The following ZNF516 variants were observed in gnomAD, a reference collection of about 807,000 sequenced individuals.
ZNF516 encodes zinc finger protein 516.
Under a neutral mutation model 79.7 loss-of-function variants are expected in ZNF516, and 19 were observed. The ratio of observed to expected loss-of-function variants is 0.24; its 90% CI spans 0.17 to 0.35. ZNF516 has a LOEUF of 0.35. Ranked by LOEUF, ZNF516 falls within the 10% of genes least tolerant of loss-of-function variation. ZNF516 has a pLI of 1.00. For synonymous variants in ZNF516, 877 were observed against 739.5 expected (o/e 1.19, Z -3.02); for missense variants, 1,678 against 1,679.5 (o/e 1.00, Z 0.02).
At chr18:76,368,314 G>A (rs1568230069) in intron 6 of ZNF516, among the ~76,000 whole-genome samples, 1 of 151,962 alleles carries the variant, frequency 6.6e-6, no homozygotes, top group Non-Finnish European at 1.5e-5. Context: ...TAAGGAAAAT[G>A]GAATTTCCTT....
At chr18:76,427,278 G>T (rs951564961) in intron 3 of ZNF516, among the ~76,000 whole-genome samples, 4 of 152,182 alleles carry the variant, frequency 2.6e-5, no homozygotes, top group African/African-American at 9.7e-5. Flanking sequence ...TGTGTTTTGA[G>T]ACAAGTGGTA....
chr18:76,417,040 T>C (rs552181753), intron 3 of ZNF516, among the ~76,000 whole-genome samples: 49 of 152,290 alleles, frequency 3.2e-4, no homozygotes, highest in Admixed American at 2.7e-3. Flanking sequence ...ATCTGGGATA[T>C]TGAGAAATAA....
chr18:76,389,370 T>C (rs1455110440), intron 3 of ZNF516: 4 of 151,662 alleles, frequency 2.6e-5, no homozygotes, highest in African/African-American at 9.7e-5. Context: ...CAGAAATCAA[T>C]GAGAATGAGA....
intron 5 of ZNF516, 27 bp downstream of exon 5, chr18:76,371,439 TG>T: frequency 6.3e-7 from 1 of 1,585,510 alleles, no homozygotes; most frequent in Non-Finnish European, 8.6e-7. Context: ...CTGCTCCCCT[TG>T]GGGATAGCTG....
At chr18:76,443,283 C>T (rs896518831) in intron 2 of ZNF516, 72 bp from the exon 3 acceptor site, 36 of 584,642 alleles carry the variant, frequency 6.2e-5, no homozygotes, top group African/African-American at 5.7e-4. Flanking sequence ...CGGGAACCCC[C>T]ACATGCTCCC....
chr18:76,479,412 G>A (rs62110937), intron 1 of ZNF516, among the ~76,000 whole-genome samples: 17,979 of 152,270 alleles, frequency 0.12, 1,278 homozygotes, highest in Middle Eastern at 0.22. Context: ...GTCTGCATCT[G>A]CAATTCTGCC....
chr18:76,479,437 T>C (rs955460330), intron 1 of ZNF516, among the ~76,000 whole-genome samples: 2 of 152,182 alleles, frequency 1.3e-5, no homozygotes, highest in Non-Finnish European at 2.9e-5. Flanking sequence ...CTGTGAGTGA[T>C]CCTTTGCACA....
chr18:76,400,777 G>C (rs1378237152), intron 3 of ZNF516, among the ~76,000 whole-genome samples: 1 of 152,164 alleles, frequency 6.6e-6, no homozygotes, highest in Non-Finnish European at 1.5e-5. Context: ...TATAAATATT[G>C]AGTCTCAGAA....
At chr18:76,422,762 T>C (rs535972737) in intron 3 of ZNF516, among the ~76,000 whole-genome samples, 2 of 151,864 alleles carry the variant, frequency 1.3e-5, no homozygotes, top group Admixed American at 6.5e-5. Flanking sequence ...ATCTGGAGGA[T>C]AGGACAAGCA....
chr18:76,490,411 A>G (rs1915101442), intron 1 of ZNF516, among the ~76,000 whole-genome samples: 1 of 152,260 alleles, frequency 6.6e-6, no homozygotes, highest in Non-Finnish European at 1.5e-5. Flanking sequence ...GCAAGTGAAA[A>G]TGAAGCTGGA....
At chr18:76,373,315 G>A (rs1222697581) in intron 4 of ZNF516, among the ~76,000 whole-genome samples, 1 of 151,076 alleles carries the variant, frequency 6.6e-6, no homozygotes, top group Non-Finnish European at 1.5e-5. Flanking sequence ...GAGAAGGGGA[G>A]AAAGAAAAGA....
chr18:76,443,597 C>A (rs1404381113), intron 2 of ZNF516, among the ~76,000 whole-genome samples: 6 of 152,258 alleles, frequency 3.9e-5, no homozygotes. Context: ...AGGAAAAGGG[C>A]AGGAATAAGA....
intron 4 of ZNF516, among the ~76,000 whole-genome samples, chr18:76,376,808 A>G (rs1451415649): frequency 6.6e-6 from 1 of 152,130 alleles, no homozygotes; most frequent in African/African-American, 2.4e-5. Flanking sequence ...TGATTAATTA[A>G]AACTATGAGT....
At chr18:76,400,846 G>C (rs141899571) in intron 3 of ZNF516, among the ~76,000 whole-genome samples, 1 of 152,146 alleles carries the variant, frequency 6.6e-6, no homozygotes, top group Non-Finnish European at 1.5e-5. Flanking sequence ...AAAAATTTCA[G>C]CAACTCTCCC....
At chr18:76,488,297 G>A in intron 1 of ZNF516, 3 of 974,536 alleles carry the variant, frequency 3.1e-6, no homozygotes, top group Non-Finnish European at 3.7e-6. Flanking sequence ...CATTAACAAT[G>A]CTGGAAGTGA....
Position 76,441,565 on chromosome 18 carries a change from G to C in ZNF516, c.1490C>G (p.Ser497Trp). ...PAPAGHLDPR[S>W]AARPNRRAAA... The stretch of plus-strand genomic sequence containing the variant: ...GGCCCTGCGGTTGGGGCGCGCGGCC[G>C]AGCGGGGATCGAGGTGGCCGGCGGG... The change falls in exon 3 of 7, where the codon TCG (serine) becomes TGG (tryptophan). Residue 497 changes from serine (S) to tryptophan (W), a missense_variant. Coordinates refer to ENST00000443185, the MANE Select transcript of ZNF516 (RefSeq NM_014643.4). 1 of 1,484,060 alleles carries C rather than the reference G, an allele frequency of 6.7e-7. No homozygotes were observed. The highest frequency in any genetic ancestry group is 8.9e-7 in the Non-Finnish European group (1 of 1,122,412). The allele number at this position is 1,484,060 out of a possible 1,614,324, so 91.9% of individuals were successfully genotyped here.
intron 2 of ZNF516, among the ~76,000 whole-genome samples, chr18:76,450,752 G>A (rs980590488): frequency 2.6e-5 from 4 of 152,114 alleles, no homozygotes; most frequent in African/African-American, 9.7e-5. Flanking sequence ...ATAATGTTCT[G>A]ACCAGTTAAA....
chr18:76,430,575 G>T (rs2075648972), intron 3 of ZNF516, among the ~76,000 whole-genome samples: 1 of 152,162 alleles, frequency 6.6e-6, no homozygotes, highest in African/African-American at 2.4e-5. Context: ...TCTCCATCAG[G>T]TTTCAGATAT....
intron 6 of ZNF516, among the ~76,000 whole-genome samples, chr18:76,367,152 T>C (rs1277870344): frequency 1.3e-5 from 2 of 152,180 alleles, no homozygotes; most frequent in Non-Finnish European, 2.9e-5. Context: ...GGGTCATCCC[T>C]GGGGCCAGCT....
Sources: gnomAD v4.1 joint callset for allele counts (sites outside exome capture counted in the v4.1 genomes callset) on GRCh38, gnomAD v4.1.1 for gene constraint, MANE v1.5 for transcripts, NCBI Gene and HGNC (gene_info 2026-07-23, HGNC 2026-07-21) for gene names.